FRAS1: variants seen among roughly 807,000 people sequenced by gnomAD.
FRAS1 encodes the protein Fraser extracellular matrix complex subunit 1, also known as extracellular matrix organizing protein FRAS1.
Under a neutral mutation model 435.2 loss-of-function variants are expected in FRAS1, and 290 were observed. The observed-to-expected ratio is 0.67, with a 90% CI of 0.61 to 0.73. The LOEUF is 0.73. Among genes scored for constraint, FRAS1 ranks in the 30% least tolerant of loss-of-function variants. FRAS1 has a pLI of 0.00. For synonymous variants in FRAS1, 1,800 were observed against 1,851.0 expected, an observed-to-expected ratio of 0.97 and a Z score of 0.71; for missense variants, 4,860 against 5,001.5, an observed-to-expected ratio of 0.97 and a Z score of 0.85.
intron 2 of FRAS1, among the ~76,000 whole-genome samples, chr4:78,236,304 A>ATTAT (rs766693936): frequency 6.8e-6 from 1 of 146,604 alleles, no homozygotes; most frequent in South Asian, 2.1e-4. Context: ...TTATTTATTT[A>ATTAT]TTTATTTTTT....
intron 2 of FRAS1, chr4:78,181,871 G>A (rs571968807): frequency 1.2e-6 from 2 of 1,611,896 alleles, no homozygotes; most frequent in East Asian, 2.2e-5. Context: ...GTTGGTCTGG[G>A]CCGCCGCCTG....
At position 78,374,267 on chromosome 4, in the gene FRAS1, C is replaced by G; in HGVS notation, c.3151+16C>G. The G allele has an allele frequency of 1.5e-6, 2 of 1,370,800 alleles. No individual in the cohort carries two copies. Among genetic ancestry groups the G allele is most frequent in the East Asian group, 2.5e-5 (1 of 39,894 alleles). 84.9% of individuals were successfully genotyped at this position (1,370,800 alleles called of 1,614,324 possible). A position where few individuals can be genotyped will look rare whatever the true frequency, so the allele number is the denominator to read the frequency against. On this transcript the variant is annotated intron_variant, in intron 25 of 73. Transcript: ENST00000512123. ...AAATGCACAGGTAACTTGGAGACTG[C>G]TGATTATTCTGGAAAGAAGTGAGGG...
At chr4:78,392,957 A>G (rs1462555969) in intron 29 of FRAS1, among the ~76,000 whole-genome samples, 23 of 151,838 alleles carry the variant, frequency 1.5e-4, no homozygotes, top group South Asian at 4.2e-4. Context: ...AAAGAAAACA[A>G]TAAGAAACAA....
intron 7 of FRAS1, among the ~76,000 whole-genome samples, chr4:78,265,836 C>G (rs912536610): frequency 2.0e-5 from 3 of 152,190 alleles, no homozygotes. Context: ...TCATGACTCT[C>G]AGTAGAAAAT....
intron 18 of FRAS1, among the ~76,000 whole-genome samples, chr4:78,319,912 G>A (rs957077840): frequency 6.6e-6 from 1 of 152,230 alleles, no homozygotes. Flanking sequence ...GAAATGCAGA[G>A]GCCCAGGGCC....
intron 65 of FRAS1, among the ~76,000 whole-genome samples, chr4:78,514,993 A>G (rs1004074230): frequency 8.0e-5 from 12 of 150,310 alleles, no homozygotes; most frequent in Non-Finnish European, 1.8e-4. Flanking sequence ...GCTTGAACCC[A>G]GGAGGCGGAG....
At chr4:78,396,813 A>G (rs540940833) in intron 29 of FRAS1, among the ~76,000 whole-genome samples, 3 of 152,126 alleles carry the variant, frequency 2.0e-5, no homozygotes, top group African/African-American at 7.2e-5. Flanking sequence ...GAAGTGTTCT[A>G]TTGAATTTTT....
At chr4:78,059,053 A>G (rs868237336) in intron 1 of FRAS1, among the ~76,000 whole-genome samples, 1 of 152,178 alleles carries the variant, frequency 6.6e-6, no homozygotes, top group Non-Finnish European at 1.5e-5. Flanking sequence ...TCCATTCATT[A>G]TTCATCCAGC....
chr4:78,209,310 C>G (rs552011457), intron 2 of FRAS1, among the ~76,000 whole-genome samples: 1 of 152,210 alleles, frequency 6.6e-6, no homozygotes, highest in Non-Finnish European at 1.5e-5. Flanking sequence ...AGTAGTTAAC[C>G]CTGGAGGTTG....
At chr4:78,506,980 TA>T (rs1720866806) in intron 61 of FRAS1, among the ~76,000 whole-genome samples, 1 of 152,182 alleles carries the variant, frequency 6.6e-6, no homozygotes, top group Non-Finnish European at 1.5e-5. Flanking sequence ...GCTTGGTAGA[TA>T]ACCTTGAGCC....
At chr4:78,448,619 A>T (rs902857433) in intron 44 of FRAS1, among the ~76,000 whole-genome samples, 5 of 152,094 alleles carry the variant, frequency 3.3e-5, no homozygotes, top group African/African-American at 1.2e-4. Context: ...AACTCCTCCT[A>T]GGCCCAGGTT....
intron 31 of FRAS1, 139 bp downstream of exon 31, chr4:78,407,980 C>A: frequency 1.4e-6 from 1 of 708,338 alleles, no homozygotes; most frequent in Non-Finnish European, 2.2e-6. Flanking sequence ...TTTCATGCTA[C>A]TGATAAAGAC....
At chr4:78,181,737 C>A (rs535084213) in intron 2 of FRAS1, 6 of 1,610,098 alleles carry the variant, frequency 3.7e-6, no homozygotes, top group Admixed American at 3.4e-5. Flanking sequence ...CTTATTCCTT[C>A]TTTCTTAAGC....
intron 1 of FRAS1, 125 bp downstream of exon 1, chr4:78,058,210 C>T (rs1364174441): frequency 7.8e-6 from 6 of 765,756 alleles, no homozygotes; most frequent in Non-Finnish European, 1.2e-5. Flanking sequence ...GGAAGTTTTT[C>T]TGGGAAGGGT....
chr4:78,422,145 C>T, intron 34 of FRAS1, 145 bp downstream of exon 34: 2 of 744,536 alleles, frequency 2.7e-6, no homozygotes, highest in Non-Finnish European at 4.0e-6. Context: ...ACCTGTCAGC[C>T]AATATGTAAC....
chr4:78,091,097 G>A (rs951585152), intron 2 of FRAS1, among the ~76,000 whole-genome samples: 1 of 152,000 alleles, frequency 6.6e-6, no homozygotes, highest in Non-Finnish European at 1.5e-5. Context: ...ATTTAGGTGG[G>A]GTTAGTTTCA....
intron 3 of FRAS1, among the ~76,000 whole-genome samples, chr4:78,238,158 A>G (rs1274826692): frequency 6.6e-6 from 1 of 151,968 alleles, no homozygotes; most frequent in African/African-American, 2.4e-5. Context: ...TTGTGCTACT[A>G]TTGGGCTCCC....
rs189921860 is a variant in FRAS1, at chr4:78,321,412, A to G, written c.2137+2426A>G. ...CAGTGGCTGAAGAGTTCAAGGTGGT[A>G]CAGCTCCTAGTCTCCATTCCATACA... On this transcript the variant is annotated intron_variant, in intron 18 of 73. Transcript: ENST00000512123. Among the ~76,000 whole-genome samples, 29 of 152,360 alleles carry G rather than the reference A, an allele frequency of 1.9e-4. No homozygotes were observed. The East Asian group carries it at 5.0e-3, about 26-fold the overall frequency.
chr4:78,204,027 C>T (rs1723152835), intron 2 of FRAS1, among the ~76,000 whole-genome samples: 1 of 152,144 alleles, frequency 6.6e-6, no homozygotes, highest in Admixed American at 6.6e-5. Flanking sequence ...TGTGATATGC[C>T]CTACAAACAC....
Sources: allele counts gnomAD v4.1 joint callset (sites outside exome capture counted in the v4.1 genomes callset), GRCh38; gene constraint gnomAD v4.1.1; transcripts MANE v1.5; gene names NCBI Gene and HGNC (gene_info 2026-07-23, HGNC 2026-07-21).